The following TAF13 variants were observed in gnomAD, a reference collection of about 807,000 sequenced individuals.
TAF13 encodes TATA-box binding protein associated factor 13.
In TAF13, 9 loss-of-function variants were observed where a neutral mutation model predicts 18.7. The ratio of observed to expected loss-of-function variants is 0.48; its 90% CI spans 0.29 to 0.84. TAF13 has a LOEUF of 0.84. Ranked by LOEUF, TAF13 falls within the 40% of genes least tolerant of loss-of-function variation. TAF13 has a pLI of 0.08. For missense variants in TAF13, 105 were observed against 146.5 expected, an observed-to-expected ratio of 0.72 and a Z score of 1.46; for synonymous variants, 49 against 44.1, an observed-to-expected ratio of 1.11 and a Z score of -0.44.
rs1663916416 is a variant in TAF13, at chr1:109,064,401, G to GAA, written c.*120_*121dup. The GAA allele has an allele frequency of 2.4e-5, 23 of 966,490 alleles. 1 individual carries two copies. The South Asian group carries it at 7.2e-4, about 30-fold the overall frequency. The allele number at this position is 966,490 out of a possible 1,614,324, so 59.9% of individuals were successfully genotyped here. Reference sequence around the variant, plus strand: ...AATCAAAGGCATAAAAATAAAGGCTGAAAACTTTGTGTTTCTCCATCTTTC... The same window carrying GAA: ...AATCAAAGGCATAAAAATAAAGGCTGAAAAAACTTTGTGTTTCTCCATCTTTC... On this transcript the variant is annotated 3_prime_UTR_variant, in exon 4 of 4. Transcript: ENST00000338366.
chr1:109,064,716 A>T, intron 3 of TAF13, 23 bp from the exon 4 acceptor site: 10 of 1,410,276 alleles, frequency 7.1e-6, no homozygotes, highest in Non-Finnish European at 8.4e-6. Flanking sequence ...AACATATTAC[A>T]TTTAACTTTT....
rs1663899305 is a variant in TAF13 at position 109,064,155 on chromosome 1, T to TCAA, written c.*365_*367dup. ...CCTGCCAACATAGTGAGACTCCATC[T>TCAA]CAAAAAAAAAAAAAAAAAAAAAAAA... On this transcript the variant is annotated 3_prime_UTR_variant, in exon 4 of 4. Transcript: ENST00000338366. 1.1e-3 allele frequency: 2 copies of TCAA among 1,820 alleles called. No homozygotes were observed. Among genetic ancestry groups the TCAA allele is most frequent in the African/African-American group, 1.5e-3 (1 of 680 alleles). 0.1% of individuals were successfully genotyped at this position (1,820 alleles called of 1,614,324 possible). A position where few individuals can be genotyped will look rare whatever the true frequency, so the allele number is the denominator to read the frequency against.
chr1:109,066,677 G>T (rs1404573715), intron 2 of TAF13, among the ~76,000 whole-genome samples: 1 of 152,136 alleles, frequency 6.6e-6, no homozygotes, highest in Non-Finnish European at 1.5e-5. Context: ...TAGGGGAAAA[G>T]ACATGAGAGA....
At chr1:109,064,775 G>T in intron 3 of TAF13, 82 bp from the exon 4 acceptor site, 1 of 1,137,248 alleles carries the variant, frequency 8.8e-7, no homozygotes, top group Non-Finnish European at 1.2e-6. Context: ...AATTGCAAGT[G>T]AGGTAGAAGA....
chr1:109,069,883 C>T (rs1664020167), intron 2 of TAF13, among the ~76,000 whole-genome samples: 1 of 152,006 alleles, frequency 6.6e-6, no homozygotes, highest in South Asian at 2.1e-4. Context: ...GCCAATAGTT[C>T]CTATCGTTCT....
intron 2 of TAF13, among the ~76,000 whole-genome samples, chr1:109,066,670 G>A (rs1324080815): frequency 1.3e-5 from 2 of 152,096 alleles, no homozygotes; most frequent in African/African-American, 2.4e-5. Context: ...ATTACCATAG[G>A]GGAAAAGACA....
At chr1:109,070,545 C>T (rs1664030686) in intron 2 of TAF13, among the ~76,000 whole-genome samples, 1 of 151,544 alleles carries the variant, frequency 6.6e-6, no homozygotes, top group African/African-American at 2.4e-5. Context: ...AGGCATGCAC[C>T]ACCACGCCGA....
At chr1:109,070,551 G>A (rs905270420) in intron 2 of TAF13, among the ~76,000 whole-genome samples, 3 of 151,232 alleles carry the variant, frequency 2.0e-5, no homozygotes, top group South Asian at 2.1e-4. Context: ...GCACCACCAC[G>A]CCGAGCTAAT....
At position 109,064,449 on chromosome 1, in the gene TAF13, A is replaced by C; in HGVS notation, c.*74T>G. On this transcript the variant is annotated 3_prime_UTR_variant, in exon 4 of 4. Coordinates refer to ENST00000338366, the MANE Select transcript of TAF13 (RefSeq NM_005645.4). ...TTCATTTACATGGCTAGATATCAGA[A>C]TCTTACTTTAGAAAATATACAATTA... 8.0e-7 allele frequency: 1 copy of C among 1,255,026 alleles called. No homozygotes were observed. The highest frequency in any genetic ancestry group is 1.0e-6 in the Non-Finnish European group (1 of 966,080). 77.7% of individuals were successfully genotyped at this position (1,255,026 alleles called of 1,614,324 possible). A position where few individuals can be genotyped will look rare whatever the true frequency, so the allele number is the denominator to read the frequency against.
At chr1:109,072,544 A>C (rs1045156180) in intron 2 of TAF13, among the ~76,000 whole-genome samples, 1 of 152,096 alleles carries the variant, frequency 6.6e-6, no homozygotes, top group Non-Finnish European at 1.5e-5. Context: ...TCCTGGGCTC[A>C]AGCCATCCTC....
chr1:109,075,994 T>G lies in TAF13; in HGVS notation c.-47A>C, dbSNP rs768159486. 4 of 1,613,890 alleles carry G rather than the reference T, an allele frequency of 2.5e-6. No homozygotes were observed. ...AGCGTCCTGCCGGCTGGCTCCCAGCTGGTTACACTACTTCCGCCGCCTCAC... is the reference window on the plus strand; with the variant it reads ...AGCGTCCTGCCGGCTGGCTCCCAGCGGGTTACACTACTTCCGCCGCCTCAC... On this transcript the variant is annotated 5_prime_UTR_variant, in exon 1 of 4. Coordinates refer to ENST00000338366, the MANE Select transcript of TAF13 (RefSeq NM_005645.4).
Position 109,068,944 on chromosome 1 carries a change from G to A in TAF13, c.107-2712C>T, listed in dbSNP as rs529610539. On this transcript the variant is annotated intron_variant, in intron 2 of 3. Transcript: ENST00000338366. ...TTGAACCCAGGAGGCAGAGGTTGCG[G>A]AGAGCTGAGATCATGCCAATGCATT... is the stretch of plus-strand genomic sequence containing the variant. 6.1e-4 allele frequency among the ~76,000 whole-genome samples: 93 copies of A among 152,290 alleles called. No homozygotes were observed. The South Asian group carries it at 0.018, about 29-fold the overall frequency.
chr1:109,074,164 G>A (rs537938496), intron 2 of TAF13, among the ~76,000 whole-genome samples: 5 of 152,212 alleles, frequency 3.3e-5, no homozygotes, highest in Non-Finnish European at 7.3e-5. Flanking sequence ...AAGAAAGAGA[G>A]ATCAGATTGT....
chr1:109,066,940 C>G (rs1420444988), intron 2 of TAF13, among the ~76,000 whole-genome samples: 1 of 151,928 alleles, frequency 6.6e-6, no homozygotes, highest in East Asian at 2.0e-4. Flanking sequence ...AGGATGGTCT[C>G]GATGATCTGA....
In TAF13 at chr1:109,064,656, A is replaced by G. The variant is rs1169414099; in HGVS notation, c.242T>C (p.Val81Ala). ...KAMSIGRQGR[V>A]QVEDIVFLIR... is the part of the protein sequence containing the mutation. ...CAAGAAGACGATATCTTCAACTTGT[A>G]CTCGACCTTGTCTTCCAATTGACAT... Residue 81 changes from valine to alanine, a missense_variant, in exon 4 of 4, where the codon GTA becomes GCA. Val to Ala is a moderately conservative substitution (Grantham distance 64, BLOSUM62 0). Transcript: ENST00000338366. 1.3e-6 allele frequency: 2 copies of G among 1,553,440 alleles called. No individual in the cohort carries two copies. Among genetic ancestry groups the G allele is most frequent in the South Asian group, 2.5e-5 (2 of 79,866 alleles).
rs1226383881 is a variant in TAF13 at position 109,066,156 on chromosome 1, GACA to G, written c.180_182del (p.Val61del). The G allele has an allele frequency of 5.6e-6, 9 of 1,612,264 alleles. No individual in the cohort carries two copies. The highest frequency in any genetic ancestry group is 7.6e-6 in the Non-Finnish European group (9 of 1,179,492). On this transcript the variant is annotated inframe_deletion, in exon 3 of 4. Transcript: ENST00000338366. ...TTACCATTTCAGTGATAAACTCTAT[GACA>G]AGATCTTCAAGAATATCCACTGACT... is the stretch of plus-strand genomic sequence containing the variant.
Position 109,066,216 on chromosome 1 carries a change from A to G in TAF13, c.123T>C (p.Tyr41=), listed in dbSNP as rs979805209. The G allele has an allele frequency of 6.2e-7, 1 of 1,608,650 alleles. No homozygotes were observed. The change falls in exon 3 of 4, where the codon TAT becomes TAC. Residue 41 remains tyrosine (Y), a synonymous_variant. Transcript: ENST00000338366. Reference sequence around the variant, plus strand: ...AAGGATTCTGGTCATCCCCAAAGCCATACATCATACATCGCACTGTAAAAG... The same window carrying G: ...AAGGATTCTGGTCATCCCCAAAGCCGTACATCATACATCGCACTGTAAAAG... ...LFSKELRCMM[Y]GFGDDQNPYT...
At chr1:109,072,786 T>A (rs1664098785) in intron 2 of TAF13, among the ~76,000 whole-genome samples, 1 of 150,476 alleles carries the variant, frequency 6.6e-6, no homozygotes, top group Non-Finnish European at 1.5e-5. Context: ...CCACCTTTTT[T>A]TTTTTTTTTT....
chr1:109,071,957 AAT>A (rs1553243377), intron 2 of TAF13, among the ~76,000 whole-genome samples: 2 of 87,864 alleles, frequency 2.3e-5, no homozygotes, highest in African/African-American at 5.0e-5. Context: ...TCAAAAAGAA[AAT>A]ATATATATAT....
Sources: allele counts gnomAD v4.1 joint callset (sites outside exome capture counted in the v4.1 genomes callset), GRCh38; gene constraint gnomAD v4.1.1; transcripts MANE v1.5; gene names NCBI Gene and HGNC (gene_info 2026-07-23, HGNC 2026-07-21).